ATAD2B: variants seen among roughly 807,000 people sequenced by gnomAD.
ATAD2B encodes the protein ATPase family AAA domain containing 2B, also known as ATPase family AAA domain-containing protein 2B.
ATAD2B carries 40 observed loss-of-function variants against 167.6 expected under a neutral mutation model. That is an observed-to-expected ratio of 0.24 (90% CI 0.19 to 0.31). The LOEUF (loss-of-function observed/expected upper bound fraction) is 0.31, where lower values mean the gene tolerates loss of function less well. ATAD2B is among the 10% of genes least tolerant of loss of function. The pLI is 1.00. For synonymous variants in ATAD2B, 579 were observed against 596.5 expected (o/e 0.97, Z 0.43); for missense variants, 1,242 against 1,757.2 (o/e 0.71, Z 5.24).
At position 23,749,684 on chromosome 2, in the gene ATAD2B, T is replaced by G. The variant is rs970650060; in HGVS notation, c.*2362A>C. 4 of 152,082 alleles carry G rather than the reference T, an allele frequency of 2.6e-5. No individual in the cohort carries two copies. The highest frequency in any genetic ancestry group is 2.1e-4 in the South Asian group (1 of 4,822). 9.4% of individuals were successfully genotyped at this position (152,082 alleles called of 1,614,324 possible). ...CAAAGTGGCAGTTCCTATACTGAGGTTGCCTCCAATTTCTCCATCTACATT... is the reference window on the plus strand; with the variant it reads ...CAAAGTGGCAGTTCCTATACTGAGGGTGCCTCCAATTTCTCCATCTACATT... On this transcript the variant is annotated 3_prime_UTR_variant, in exon 28 of 28. Coordinates refer to ENST00000238789, the MANE Select transcript of ATAD2B (RefSeq NM_017552.4).
intron 1 of ATAD2B, among the ~76,000 whole-genome samples, chr2:23,912,152 T>C (rs1702407175): frequency 6.6e-6 from 1 of 152,116 alleles, no homozygotes; most frequent in African/African-American, 2.4e-5. Flanking sequence ...CATATGCAGT[T>C]ATGTTCTCTG....
At chr2:23,689,599 G>A in the ATAD2B span, 1 of 152,448 alleles carries the variant, frequency 6.6e-6, no homozygotes, top group Non-Finnish European at 1.5e-5. Context: ...GAGGACTCCT[G>A]GGTGGACAAG....
chr2:23,875,785 C>A (rs532600929), intron 8 of ATAD2B, 44 bp downstream of exon 8: 2 of 1,280,700 alleles, frequency 1.6e-6, no homozygotes, highest in East Asian at 4.8e-5. Flanking sequence ...CAATTAGTCT[C>A]TCATTGACAA....
At chr2:23,747,705 A>G (rs1674972638), downstream of ATAD2B, among the ~76,000 whole-genome samples, 1 of 152,164 alleles carries the variant, frequency 6.6e-6, no homozygotes, top group African/African-American at 2.4e-5. Flanking sequence ...GAACAGGAAT[A>G]TGTTATTTGT....
intron 16 of ATAD2B, among the ~76,000 whole-genome samples, chr2:23,820,864 G>A (rs887480131): frequency 6.6e-6 from 1 of 152,084 alleles, no homozygotes; most frequent in Non-Finnish European, 1.5e-5. Context: ...CAGAAGAATG[G>A]TGTGAACCCA....
intron 14 of ATAD2B, among the ~76,000 whole-genome samples, chr2:23,833,235 T>C (rs1689351954): frequency 6.6e-6 from 1 of 152,196 alleles, no homozygotes; most frequent in Non-Finnish European, 1.5e-5. Context: ...AACCAGGCAT[T>C]TCACATAGAG....
chr2:23,759,448 T>C (rs2149313394), intron 24 of ATAD2B, among the ~76,000 whole-genome samples: 1 of 152,334 alleles, frequency 6.6e-6, no homozygotes, highest in South Asian at 2.1e-4. Flanking sequence ...TTAATATGAA[T>C]TTAGAATCTA....
At chr2:23,693,438 C>G in the ATAD2B span, 1 of 1,551,740 alleles carries the variant, frequency 6.4e-7, no homozygotes, top group East Asian at 2.4e-5. Flanking sequence ...TCGCCTACGT[C>G]TCCAACGACA....
chr2:23,911,582 AAAG>A (rs1702311058), intron 1 of ATAD2B, among the ~76,000 whole-genome samples: 1 of 151,570 alleles, frequency 6.6e-6, no homozygotes, highest in Middle Eastern at 3.2e-3. Context: ...AGAAGAGGAG[AAAG>A]AAGAGAACAG....
chr2:23,808,455 C>G (rs1410724260), intron 18 of ATAD2B, among the ~76,000 whole-genome samples: 1 of 151,734 alleles, frequency 6.6e-6, no homozygotes, highest in Admixed American at 6.6e-5. Flanking sequence ...TAGTTTTCTT[C>G]TCATAGTCCC....
Position 23,926,807 on chromosome 2 carries a change from G to A in ATAD2B, c.-37C>T, listed in dbSNP as rs1333944417. On this transcript the variant is annotated 5_prime_UTR_variant, in exon 1 of 28. Coordinates refer to ENST00000238789, the MANE Select transcript of ATAD2B (RefSeq NM_017552.4). ...GGGGACGGAGTCCACGCCGCGCCCG[G>A]GAGAGCCGAGCAAGGCCGGCCCGCC... 4.1e-6 allele frequency: 6 copies of A among 1,481,258 alleles called. No homozygotes were observed. The African/African-American group carries it at 4.3e-5, about 11-fold the overall frequency. The allele number at this position is 1,481,258 out of a possible 1,614,324, so 91.8% of individuals were successfully genotyped here. A position where few individuals can be genotyped will look rare whatever the true frequency, so the allele number is the denominator to read the frequency against.
the ATAD2B span, among the ~76,000 whole-genome samples, chr2:23,699,995 T>G: frequency 6.6e-6 from 1 of 152,172 alleles, no homozygotes; most frequent in Non-Finnish European, 1.5e-5. Context: ...CTGCAGTCAT[T>G]CCTACAAATA....
At chr2:23,838,889 G>C (rs1036723081) in intron 13 of ATAD2B, among the ~76,000 whole-genome samples, 1 of 152,002 alleles carries the variant, frequency 6.6e-6, no homozygotes, top group East Asian at 1.9e-4. Flanking sequence ...AACTAGTAGA[G>C]CAAGTGCTCC....
At chr2:23,754,046 C>T in intron 27 of ATAD2B, 133 bp downstream of exon 27, 1 of 734,602 alleles carries the variant, frequency 1.4e-6, no homozygotes. Flanking sequence ...TGATTTTTGT[C>T]TTAAATCTTC....
intron 1 of ATAD2B, among the ~76,000 whole-genome samples, chr2:23,924,167 G>T (rs1704374724): frequency 6.6e-6 from 1 of 152,134 alleles, no homozygotes; most frequent in African/African-American, 2.4e-5. Context: ...CTGGGCTACA[G>T]CGAGACTCCG....
intron 4 of ATAD2B, among the ~76,000 whole-genome samples, chr2:23,886,572 T>A (rs561085726): frequency 2.6e-5 from 4 of 152,300 alleles, no homozygotes; most frequent in African/African-American, 9.6e-5. Flanking sequence ...GTAAAAAGTT[T>A]AAAGCCAATA....
In ATAD2B at chr2:23,830,665, T is replaced by C. The variant is rs569928716; in HGVS notation, c.1729-1726A>G. Among the ~76,000 whole-genome samples, 117 of 152,274 alleles carry C rather than the reference T, an allele frequency of 7.7e-4. 2 individuals are homozygous for C. In the South Asian group the frequency reaches 0.023, roughly 30 times the overall value. On this transcript the variant is annotated intron_variant, in intron 14 of 27. Transcript: ENST00000238789. The stretch of plus-strand genomic sequence containing the variant: ...TCAGCTATGAAAGTTAAAGCAATGA[T>C]ATGACACTTATTTTCTTCCAACTTG...
chr2:23,880,111 TTAAAG>T (rs368244103), intron 7 of ATAD2B, among the ~76,000 whole-genome samples: 90 of 151,568 alleles, frequency 5.9e-4, no homozygotes, highest in South Asian at 1.7e-3. Context: ...CTGCTATAAA[TTAAAG>T]TAAAGTGCTC....
chr2:23,871,589 T>A (rs1193790288), intron 8 of ATAD2B, among the ~76,000 whole-genome samples: 1 of 152,110 alleles, frequency 6.6e-6, no homozygotes, highest in Non-Finnish European at 1.5e-5. Flanking sequence ...CCTGTACCAA[T>A]CCAAGTAATA....
Sources: gnomAD v4.1 joint callset for allele counts (sites outside exome capture counted in the v4.1 genomes callset) on GRCh38, gnomAD v4.1.1 for gene constraint, MANE v1.5 for transcripts, NCBI Gene and HGNC (gene_info 2026-07-23, HGNC 2026-07-21) for gene names.